Variants in ADK observed in about 807,000 individuals in gnomAD.
ADK encodes the protein adenosine kinase, also known as N6,N6-dimethyladenosine kinase.
In ADK, 24 loss-of-function variants were observed where a neutral mutation model predicts 44.7. The ratio of observed to expected loss-of-function variants is 0.54; its 90% CI spans 0.39 to 0.76. The LOEUF is 0.76. Ranked by LOEUF, ADK falls within the 30% of genes least tolerant of loss-of-function variation. The probability of loss-of-function intolerance (pLI) is 0.00; values close to 1 mark genes in which losing one functional copy is unlikely to be tolerated. For synonymous variants in ADK, 128 were observed against 142.6 expected (o/e 0.90, Z 0.73); for missense variants, 321 against 425.1 (o/e 0.76, Z 2.15).
intron 9 of ADK, among the ~76,000 whole-genome samples, chr10:74,636,203 G>A (rs1159591279): frequency 1.3e-5 from 2 of 152,056 alleles, no homozygotes; most frequent in Non-Finnish European, 2.9e-5. Context: ...TCCAGAAAAT[G>A]TAAGTATTCC....
At chr10:74,540,608 C>T (rs897244146) in intron 7 of ADK, among the ~76,000 whole-genome samples, 40 of 151,824 alleles carry the variant, frequency 2.6e-4, no homozygotes, top group African/African-American at 9.7e-4. Context: ...TACAGGAATG[C>T]GCCATCACAC....
In ADK at chr10:74,317,563, GAA is replaced by G. The variant is rs11310691; in HGVS notation, c.273+2834_273+2835del. The stretch of plus-strand genomic sequence containing the variant: ...CAACATAGTGAGACCCTGTCTCTAG[GAA>G]AAAAAAAAAAAAAAAGAAATGGAAG... On this transcript the variant is annotated intron_variant, in intron 4 of 10. Transcript: ENST00000539909. 1.9e-3 allele frequency among the ~76,000 whole-genome samples: 255 copies of G among 131,108 alleles called. 1 individual carries two copies. The highest frequency in any genetic ancestry group is 3.7e-3 in the Middle Eastern group (1 of 270). The allele number at this position is 131,108 out of a possible 152,430, so 86.0% of individuals were successfully genotyped here. A position where few individuals can be genotyped will look rare whatever the true frequency, so the allele number is the denominator to read the frequency against.
intron 4 of ADK, among the ~76,000 whole-genome samples, chr10:74,340,471 A>C (rs1841547433): frequency 6.6e-6 from 1 of 152,186 alleles, no homozygotes; most frequent in Non-Finnish European, 1.5e-5. Flanking sequence ...ACAACTCTGA[A>C]TATTACTATT....
rs947527441 is a variant in ADK at position 74,708,695 on chromosome 10, A to G, written c.*250A>G. On this transcript the variant is annotated 3_prime_UTR_variant, in exon 11 of 11. Transcript: ENST00000539909. ...AATGCCAATTAAACAAGAATATAAC[A>G]TTTCAATAGAAATTTTTATTTCATT... The G allele has an allele frequency of 4.3e-5, 15 of 347,778 alleles. No homozygotes were observed. The highest frequency in any genetic ancestry group is 7.6e-5 in the Non-Finnish European group (14 of 184,590). The allele number at this position is 347,778 out of a possible 1,614,324, so 21.5% of individuals were successfully genotyped here. A position where few individuals can be genotyped will look rare whatever the true frequency, so the allele number is the denominator to read the frequency against.
chr10:74,301,483 C>T (rs2132519011), intron 3 of ADK, among the ~76,000 whole-genome samples: 1 of 140,668 alleles, frequency 7.1e-6, no homozygotes, highest in South Asian at 2.2e-4. Context: ...CACTGCACTC[C>T]AGCCTGGGTG....
intron 2 of ADK, among the ~76,000 whole-genome samples, chr10:74,202,055 A>G (rs961616895): frequency 6.6e-6 from 1 of 152,168 alleles, no homozygotes; most frequent in African/African-American, 2.4e-5. Flanking sequence ...CATCACCCCA[A>G]AATGAAATCC....
At chr10:74,652,169 G>A (rs1423290305) in intron 9 of ADK, among the ~76,000 whole-genome samples, 3 of 150,912 alleles carry the variant, frequency 2.0e-5, no homozygotes, top group Non-Finnish European at 2.9e-5. Flanking sequence ...AGCCTCCCGA[G>A]TACCTGGGAT....
intron 3 of ADK, among the ~76,000 whole-genome samples, chr10:74,241,669 A>G (rs1205915872): frequency 6.6e-6 from 1 of 152,130 alleles, no homozygotes; most frequent in Non-Finnish European, 1.5e-5. Context: ...TACAGGCATG[A>G]GACACTGCGC....
intron 8 of ADK, among the ~76,000 whole-genome samples, chr10:74,592,545 A>G (rs1307057560): frequency 1.3e-5 from 2 of 152,148 alleles, no homozygotes; most frequent in African/African-American, 4.8e-5. Flanking sequence ...CTATTGGATC[A>G]TTTATTTCCT....
chr10:74,553,190 G>GGT (rs1850096968), intron 7 of ADK, among the ~76,000 whole-genome samples: 5 of 60,418 alleles, frequency 8.3e-5, no homozygotes, highest in South Asian at 8.2e-4. Context: ...AGCACATTGT[G>GGT]TTTTTTTTTT....
At chr10:74,273,193 C>T (rs1846509821) in intron 3 of ADK, among the ~76,000 whole-genome samples, 2 of 151,684 alleles carry the variant, frequency 1.3e-5, no homozygotes, top group African/African-American at 2.4e-5. Context: ...AAAAAAATTG[C>T]CTTAAGCTGT....
intron 10 of ADK, among the ~76,000 whole-genome samples, chr10:74,699,097 G>A (rs1201599192): frequency 6.9e-6 from 1 of 144,534 alleles, no homozygotes; most frequent in Non-Finnish European, 1.5e-5. Flanking sequence ...TCCCATCTCA[G>A]CCTCCCAAAG....
chr10:74,221,235 CAG>C (rs761989753), intron 2 of ADK, among the ~76,000 whole-genome samples: 1 of 151,656 alleles, frequency 6.6e-6, no homozygotes, highest in South Asian at 2.1e-4. Context: ...AACAGACAAA[CAG>C]AGAGCCAAAT....
At chr10:74,393,682 C>T (rs1305435272) in intron 4 of ADK, among the ~76,000 whole-genome samples, 1 of 152,122 alleles carries the variant, frequency 6.6e-6, no homozygotes, top group East Asian at 1.9e-4. Flanking sequence ...ATTATATCTC[C>T]ACTTTAAACA....
intron 2 of ADK, among the ~76,000 whole-genome samples, chr10:74,203,503 C>G (rs1322613132): frequency 6.6e-6 from 1 of 151,874 alleles, no homozygotes; most frequent in Non-Finnish European, 1.5e-5. Flanking sequence ...AGACTATATG[C>G]AGGTACCACC....
chr10:74,686,638 A>G (rs1466541145), intron 10 of ADK, among the ~76,000 whole-genome samples: 1 of 152,156 alleles, frequency 6.6e-6, no homozygotes, highest in Non-Finnish European at 1.5e-5. Context: ...GAGAGAGACT[A>G]TGGAAAAGTT....
intron 3 of ADK, among the ~76,000 whole-genome samples, chr10:74,266,037 C>A (rs1422348969): frequency 1.3e-5 from 2 of 151,624 alleles, no homozygotes; most frequent in African/African-American, 4.9e-5. Flanking sequence ...GAGAAGGAGA[C>A]TTAAGGATGA....
At position 74,151,251 on chromosome 10, in the gene ADK, A is replaced by G; in HGVS notation, c.-28A>G. 1 of 1,549,594 alleles carries G rather than the reference A, an allele frequency of 6.5e-7. No homozygotes were observed. Among genetic ancestry groups the G allele is most frequent in the Non-Finnish European group, 8.7e-7 (1 of 1,146,804 alleles). On this transcript the variant is annotated 5_prime_UTR_variant, in exon 1 of 11. Transcript: ENST00000539909. ...AGAGTGGATGGCAGAGGTGGGCTGT[A>G]GAGCCAAAGTGGGGTGGGAGCGCGA...
intron 5 of ADK, among the ~76,000 whole-genome samples, chr10:74,395,019 G>A (rs11001029): frequency 0.13 from 19,631 of 152,042 alleles, 1,332 homozygotes; most frequent in Middle Eastern, 0.17. Context: ...CACTGCTAAC[G>A]TTATTACCAT....
Sources: allele counts gnomAD v4.1 joint callset (sites outside exome capture counted in the v4.1 genomes callset), GRCh38; gene constraint gnomAD v4.1.1; transcripts MANE v1.5; gene names NCBI Gene and HGNC (gene_info 2026-07-23, HGNC 2026-07-21).